Variants in PLCL1 observed in about 807,000 individuals in gnomAD.
The protein encoded by PLCL1 is phospholipase C like 1 (inactive).
Under a neutral mutation model 84.4 loss-of-function variants are expected in PLCL1, and 41 were observed. The observed-to-expected ratio is 0.49, with a 90% confidence interval of 0.38 to 0.63. The LOEUF (loss-of-function observed/expected upper bound fraction) is 0.63. PLCL1 is among the 30% of genes least tolerant of loss of function. The pLI is 0.00. For missense variants in PLCL1, 1,206 were observed against 1,367.8 expected, an observed-to-expected ratio of 0.88 and a Z score of 1.87; for synonymous variants, 490 against 488.3, an observed-to-expected ratio of 1.00 and a Z score of -0.05.
intron 1 of PLCL1, among the ~76,000 whole-genome samples, chr2:197,901,990 C>T (rs1688276720): frequency 6.6e-6 from 1 of 152,132 alleles, no homozygotes; most frequent in South Asian, 2.1e-4. Flanking sequence ...GATCTATGCA[C>T]ATGAAATGCA....
At chr2:197,810,897 A>T (rs1359843614) in intron 1 of PLCL1, among the ~76,000 whole-genome samples, 4 of 152,176 alleles carry the variant, frequency 2.6e-5, no homozygotes, top group Non-Finnish European at 4.4e-5. Context: ...ACTTTAGATG[A>T]CCAGACAGAG....
At chr2:197,965,613 T>C (rs1461929896) in intron 1 of PLCL1, among the ~76,000 whole-genome samples, 1 of 152,192 alleles carries the variant, frequency 6.6e-6, no homozygotes, top group Non-Finnish European at 1.5e-5. Context: ...CTTGCTTTTC[T>C]AATCTTTAAG....
At chr2:198,043,218 G>C (rs762769762) in intron 1 of PLCL1, among the ~76,000 whole-genome samples, 1 of 152,172 alleles carries the variant, frequency 6.6e-6, no homozygotes, top group Non-Finnish European at 1.5e-5. Flanking sequence ...TCATGGAAAG[G>C]CCCAACATTT....
chr2:197,905,209 A>G lies in PLCL1; in HGVS notation c.240+99870A>G, dbSNP rs569494651. 5.9e-4 allele frequency among the ~76,000 whole-genome samples: 89 copies of G among 152,046 alleles called. 4 individuals are homozygous for G. In the South Asian group the frequency reaches 0.014, roughly 24 times the overall value. On this transcript the variant is annotated intron_variant, in intron 1 of 5. Coordinates refer to ENST00000428675, the MANE Select transcript of PLCL1 (RefSeq NM_006226.4). ...CCGTCATCCAGGTTTTAAGCCCCAC[A>G]TGCATTAGGTATTTCTCCTAATGCT...
At chr2:197,938,328 A>G (rs1689088306) in intron 1 of PLCL1, among the ~76,000 whole-genome samples, 2 of 152,168 alleles carry the variant, frequency 1.3e-5, no homozygotes, top group African/African-American at 2.4e-5. Flanking sequence ...CTTCTATAGT[A>G]ACCTCCTCAT....
intron 1 of PLCL1, among the ~76,000 whole-genome samples, chr2:198,075,440 A>C (rs1307272848): frequency 1.3e-5 from 2 of 152,216 alleles, no homozygotes; most frequent in Admixed American, 6.5e-5. Flanking sequence ...AGTATTAACA[A>C]AACTACGCAT....
chr2:197,901,005 A>T (rs901439272), intron 1 of PLCL1, among the ~76,000 whole-genome samples: 1 of 152,190 alleles, frequency 6.6e-6, no homozygotes, highest in South Asian at 2.1e-4. Context: ...AAATCTCTAA[A>T]CTAGGGAAAC....
chr2:197,844,383 G>T (rs1396570333), intron 1 of PLCL1, among the ~76,000 whole-genome samples: 1 of 150,056 alleles, frequency 6.7e-6, no homozygotes, highest in Non-Finnish European at 1.5e-5. Flanking sequence ...GCATCTTCGT[G>T]TTTGGCCTCT....
At chr2:197,858,280 T>G (rs1369558633) in intron 1 of PLCL1, among the ~76,000 whole-genome samples, 1 of 152,180 alleles carries the variant, frequency 6.6e-6, no homozygotes, top group African/African-American at 2.4e-5. Flanking sequence ...TGACAGCCAC[T>G]GAGTTGTAGC....
intron 1 of PLCL1, among the ~76,000 whole-genome samples, chr2:197,807,011 G>C (rs1054209269): frequency 6.6e-6 from 1 of 152,018 alleles, no homozygotes; most frequent in Non-Finnish European, 1.5e-5. Flanking sequence ...AAAAAAGGAG[G>C]GAGACAACAG....
chr2:197,998,250 G>A (rs1191870384), intron 1 of PLCL1, among the ~76,000 whole-genome samples: 1 of 151,748 alleles, frequency 6.6e-6, no homozygotes, highest in Admixed American at 6.6e-5. Flanking sequence ...GTGTGCATGT[G>A]TGTATGTGTA....
intron 1 of PLCL1, among the ~76,000 whole-genome samples, chr2:198,076,387 C>T (rs1169009204): frequency 6.6e-6 from 1 of 152,156 alleles, no homozygotes; most frequent in African/African-American, 2.4e-5. Flanking sequence ...AATGAATCAC[C>T]TTTTATAAAT....
chr2:197,944,666 C>G (rs571502388), intron 1 of PLCL1, among the ~76,000 whole-genome samples: 2 of 152,152 alleles, frequency 1.3e-5, no homozygotes, highest in African/African-American at 4.8e-5. Flanking sequence ...TCTTGCAAGC[C>G]GGTATAAGCC....
At chr2:197,894,778 T>G (rs1489062383) in intron 1 of PLCL1, among the ~76,000 whole-genome samples, 1 of 151,898 alleles carries the variant, frequency 6.6e-6, no homozygotes, top group Non-Finnish European at 1.5e-5. Flanking sequence ...CTCAGGTAAG[T>G]GAAATGTAAA....
chr2:197,841,149 C>T (rs1191851651), intron 1 of PLCL1, among the ~76,000 whole-genome samples: 2 of 152,050 alleles, frequency 1.3e-5, no homozygotes, highest in South Asian at 2.1e-4. Context: ...TAGTGTGATA[C>T]ATTTGTTACT....
At chr2:198,034,347 C>T (rs1574262597) in intron 1 of PLCL1, among the ~76,000 whole-genome samples, 2 of 152,304 alleles carry the variant, frequency 1.3e-5, no homozygotes, top group African/African-American at 4.8e-5. Flanking sequence ...ACTAGAAATA[C>T]CATTTGACCC....
At chr2:197,908,416 A>T (rs1313173368) in intron 1 of PLCL1, among the ~76,000 whole-genome samples, 1 of 152,242 alleles carries the variant, frequency 6.6e-6, no homozygotes, top group East Asian at 1.9e-4. Flanking sequence ...TCTTCCTTAT[A>T]TTGACCCCGC....
chr2:197,953,674 A>G (rs1689431174), intron 1 of PLCL1, among the ~76,000 whole-genome samples: 1 of 152,062 alleles, frequency 6.6e-6, no homozygotes, highest in Non-Finnish European at 1.5e-5. Flanking sequence ...ATATATTAAT[A>G]TATCAGTAAT....
rs1692873884 is a variant in PLCL1, at chr2:198,086,149, A to G, written c.2632A>G (p.Ile878Val). The G allele has an allele frequency of 6.2e-7, 1 of 1,613,976 alleles. No individual in the cohort carries two copies. Among genetic ancestry groups the G allele is most frequent in the Non-Finnish European group, 8.5e-7 (1 of 1,179,846 alleles). The change falls in exon 2 of 6, where the codon ATC (isoleucine) becomes GTC (valine). Residue 878 changes from isoleucine to valine, a missense_variant. Coordinates refer to ENST00000428675, the MANE Select transcript of PLCL1 (RefSeq NM_006226.4). ...TCGGGAATATACCATGCTCAGGAAT[A>G]TCGGTCTTAAAACCATTGATGACAT... Reference protein sequence around the residue: ...KVREYTMLRNIGLKTIDDIFK... With the variant: ...KVREYTMLRNVGLKTIDDIFK...
Sources: gnomAD v4.1 joint callset for allele counts (sites outside exome capture counted in the v4.1 genomes callset) on GRCh38, gnomAD v4.1.1 for gene constraint, MANE v1.5 for transcripts, NCBI Gene and HGNC (gene_info 2026-07-23, HGNC 2026-07-21) for gene names.